CCT8: variants seen among roughly 807,000 people sequenced by gnomAD.
The protein encoded by CCT8 is chaperonin containing TCP1 subunit 8.
Under a neutral mutation model 65.7 loss-of-function variants are expected in CCT8, and 10 were observed. That is an observed-to-expected ratio of 0.15 (90% confidence interval 0.09 to 0.26). The LOEUF is 0.26. Among genes scored for constraint, CCT8 ranks in the 10% least tolerant of loss-of-function variants. CCT8 has a pLI of 1.00. For missense variants in CCT8, 568 were observed against 669.1 expected (o/e 0.85, Z 1.67); for synonymous variants, 199 against 221.8 (o/e 0.90, Z 0.92).
At chr21:29,065,179 A>G (rs1380244631) in intron 6 of CCT8, 74 bp from the exon 7 acceptor site, 9 of 1,449,578 alleles carry the variant, frequency 6.2e-6, no homozygotes, top group Non-Finnish European at 8.6e-6. Flanking sequence ...GATTCTCCAT[A>G]TACCAAAAAT....
rs778822528 is a variant in CCT8 at position 29,061,330 on chromosome 21, C to T, written c.1372G>A (p.Val458Ile). ...TTAGAGATTACTTCATTGGCCTTAA[C>T]TCCAGAGTTTTCTGCCAGTGCGCGG... The part of the protein sequence containing the change: ...IPRALAENSG[V>I]KANEVISKLY... The change falls in exon 13 of 15, where the codon GTT becomes ATT. Residue 458 changes from valine to isoleucine, a missense_variant. Val to Ile is a conservative substitution (Grantham distance 29). Transcript: ENST00000286788. The T allele has an allele frequency of 1.1e-5, 18 of 1,613,880 alleles. No individual in the cohort carries two copies. Among genetic ancestry groups the T allele is most frequent in the Non-Finnish European group, 1.5e-5 (18 of 1,179,896 alleles).
chr21:29,061,741 A>G (rs1159154519), intron 11 of CCT8, among the ~76,000 whole-genome samples, 174 bp from the exon 12 acceptor site: 5 of 152,216 alleles, frequency 3.3e-5, no homozygotes, highest in African/African-American at 4.8e-5. Flanking sequence ...GGGTGGGGCA[A>G]ATTTTCTTAG....
chr21:29,063,325 TA>T (rs200482519), intron 8 of CCT8, 26 bp downstream of exon 8: 13,544 of 1,108,004 alleles, frequency 0.012, no homozygotes, highest in South Asian at 0.017. Context: ...ATGATATAGG[TA>T]AAAAAAAAAA....
At chr21:29,070,206 T>G (rs761770756) in intron 2 of CCT8, 41 bp downstream of exon 2, 1 of 1,241,784 alleles carries the variant, frequency 8.1e-7, no homozygotes, top group Non-Finnish European at 1.2e-6. Flanking sequence ...GTACACAATA[T>G]TCTACTACTG....
intron 2 of CCT8, among the ~76,000 whole-genome samples, 169 bp from the exon 3 acceptor site, chr21:29,069,671 G>A (rs2085661113): frequency 6.6e-6 from 1 of 152,096 alleles, no homozygotes; most frequent in East Asian, 1.9e-4. Context: ...AGCCCCATGG[G>A]CATTCTCTGA....
At chr21:29,072,750 C>A (rs888002922) in intron 1 of CCT8, among the ~76,000 whole-genome samples, 2 of 152,172 alleles carry the variant, frequency 1.3e-5, no homozygotes, top group Non-Finnish European at 2.9e-5. Context: ...GCACAAGAGA[C>A]AAATTTATCA....
At chr21:29,066,106 G>C (rs1431699490) in intron 6 of CCT8, among the ~76,000 whole-genome samples, 1 of 148,142 alleles carries the variant, frequency 6.8e-6, no homozygotes, top group Admixed American at 6.8e-5. Context: ...AAAAAATTTA[G>C]TATTTTGTTT....
intron 14 of CCT8, among the ~76,000 whole-genome samples, chr21:29,057,686 TATATCATAC>T (rs1045058129): frequency 1.2e-5 from 1 of 82,106 alleles, no homozygotes; most frequent in African/African-American, 3.2e-5. Flanking sequence ...ATACGATACA[TATATCATAC>T]ATATATCATA....
intron 3 of CCT8, among the ~76,000 whole-genome samples, chr21:29,068,663 C>A (rs771838426): frequency 6.6e-6 from 1 of 152,114 alleles, no homozygotes; most frequent in Non-Finnish European, 1.5e-5. Context: ...TGGGGTTTCA[C>A]CATGTTGGCC....
Position 29,067,568 on chromosome 21 carries a change from C to A in CCT8, c.369G>T (p.Leu123=). 6.8e-7 allele frequency: 1 copy of A among 1,463,234 alleles called. No homozygotes were observed. The highest frequency in any genetic ancestry group is 1.5e-5 in the African/African-American group (1 of 67,914). 90.6% of individuals were successfully genotyped at this position (1,463,234 alleles called of 1,614,324 possible). A position where few individuals can be genotyped will look rare whatever the true frequency, so the allele number is the denominator to read the frequency against. ...ELAEELLRIG[L]SVSEVIEGYE... ...AATGAACACTTGCCTCTGAAACTGA[C>A]AGGCCAATCCTCAGAAGTTCTTCAG... Residue 123 remains leucine, a synonymous_variant, in exon 4 of 15, where the codon CTG becomes CTT. Transcript: ENST00000286788.
At chr21:29,059,057 G>A (rs1407428213) in intron 14 of CCT8, among the ~76,000 whole-genome samples, 2 of 152,200 alleles carry the variant, frequency 1.3e-5, no homozygotes, top group African/African-American at 4.8e-5. Flanking sequence ...GGGACTACAG[G>A]TGTGAGCCAC....
chr21:29,056,575 A>G, intron 14 of CCT8, 23 bp from the exon 15 acceptor site: 1 of 1,459,134 alleles, frequency 6.9e-7, no homozygotes, highest in Non-Finnish European at 9.2e-7. Flanking sequence ...GAATCACACA[A>G]GAGTATGCTT....
chr21:29,061,515 T>A lies in CCT8; in HGVS notation c.1265A>T (p.Gln422Leu). 6.2e-7 allele frequency: 1 copy of A among 1,614,046 alleles called. No homozygotes were observed. The highest frequency in any genetic ancestry group is 8.5e-7 in the Non-Finnish European group (1 of 1,179,928). Residue 422 changes from glutamine to leucine, a missense_variant, in exon 12 of 15, where the codon CAG becomes CTG. Transcript: ENST00000286788. The part of the protein sequence containing the change: ...GGATEIELAK[Q>L]ITSYGETCPG... ...CTGTACCTCTCCATATGATGTGATC[T>A]GTTTGGCTAATTCAATTTCTGTTGC...
chr21:29,066,960 G>A lies in CCT8; in HGVS notation c.493C>T (p.Arg165Cys), dbSNP rs367740906. 32 of 1,613,504 alleles carry A rather than the reference G, an allele frequency of 2.0e-5. 1 individual carries two copies. The South Asian group carries it at 2.3e-4, about 12-fold the overall frequency. ...TATTGTTTACTCATTATGGAGGTAC[G>A]AAGTAGAGATGAGACTTCATCAATA... ...RDIDEVSSLL[R>C]TSIMSKQYGN... The change falls in exon 5 of 15, where the codon CGT becomes TGT. Residue 165 changes from arginine to cysteine, a missense_variant. Coordinates refer to ENST00000286788, the MANE Select transcript of CCT8 (RefSeq NM_006585.4).
At chr21:29,070,420 A>T (rs1308030122) in intron 1 of CCT8, 83 bp from the exon 2 acceptor site, 5 of 755,116 alleles carry the variant, frequency 6.6e-6, no homozygotes, top group Non-Finnish European at 1.1e-5. Flanking sequence ...ATCTTTGCTT[A>T]TATCTTGCCT....
In CCT8 at chr21:29,063,437, T is replaced by C. The variant is rs1236886081; in HGVS notation, c.856A>G (p.Thr286Ala). The change falls in exon 8 of 15, where the codon ACT becomes GCT. Residue 286 changes from threonine to alanine, a missense_variant. Thr to Ala is a moderately conservative substitution (Grantham distance 58). Transcript: ENST00000286788. ...CCTGTTACTACGACATTTGCACCAG[T>C]ATCAGCAATAGCTTTGACTTGTGCA... is the stretch of plus-strand genomic sequence containing the variant. ...MDAQVKAIAD[T>A]GANVVVTGGK... The C allele has an allele frequency of 6.2e-7, 1 of 1,613,974 alleles. No homozygotes were observed. The highest frequency in any genetic ancestry group is 1.3e-5 in the African/African-American group (1 of 74,940).
At chr21:29,069,073 A>G (rs2853828) in intron 3 of CCT8, among the ~76,000 whole-genome samples, 1 of 152,150 alleles carries the variant, frequency 6.6e-6, no homozygotes, top group Non-Finnish European at 1.5e-5. Flanking sequence ...AAATGGTTGG[A>G]TCTTTTTAAA....
intron 13 of CCT8, 113 bp downstream of exon 13, chr21:29,061,140 C>A (rs997086665): frequency 1.2e-6 from 1 of 852,468 alleles, no homozygotes; most frequent in Non-Finnish European, 1.8e-6. Context: ...AGAAAATAAT[C>A]TGCTCCCAAA....
intron 14 of CCT8, chr21:29,059,862 CCACCTT>C (rs1157611676): frequency 6.6e-6 from 1 of 152,158 alleles, no homozygotes; most frequent in Non-Finnish European, 1.5e-5. Context: ...AGGACTTACT[CCACCTT>C]TAATATGACA....
Sources: gnomAD v4.1 joint callset for allele counts (sites outside exome capture counted in the v4.1 genomes callset) on GRCh38, gnomAD v4.1.1 for gene constraint, MANE v1.5 for transcripts, NCBI Gene and HGNC (gene_info 2026-07-23, HGNC 2026-07-21) for gene names.